Variants in BAHD1 observed in about 807,000 individuals in gnomAD.
BAHD1 encodes bromo adjacent homology domain containing 1.
BAHD1 carries 20 observed loss-of-function variants against 63.1 expected under a neutral mutation model. That is an observed-to-expected ratio of 0.32 (90% CI 0.22 to 0.46). The LOEUF is 0.46. Among genes scored for constraint, BAHD1 ranks in the 20% least tolerant of loss-of-function variants. The probability of loss-of-function intolerance (pLI) is 1.00; values close to 1 mark genes in which losing one functional copy is unlikely to be tolerated. For missense variants in BAHD1, 939 were observed against 1,071.8 expected, an observed-to-expected ratio of 0.88 and a Z score of 1.73; for synonymous variants, 408 against 426.8, an observed-to-expected ratio of 0.96 and a Z score of 0.54.
rs1030395511 is a variant in BAHD1 at position 40,458,676 on chromosome 15, A to G, written c.212A>G (p.Lys71Arg). The change falls in exon 2 of 7, where the codon AAA (lysine) becomes AGA (arginine). Residue 71 changes from lysine to arginine, a missense_variant. Physicochemically the swap from Lys to Arg is conservative, Grantham distance 26 (BLOSUM62 2). This residue lies in a region of BAHD1 where 797 missense variants were observed against 813.3 expected (regional missense o/e 0.98). Coordinates refer to ENST00000416165, the MANE Select transcript of BAHD1 (RefSeq NM_014952.5). The surrounding 1 kb of genome is among the most constrained non-coding windows in gnomAD (Gnocchi z 4.7). ...GTTCCTGAGAAGCCCAAGGCCTGCAAAGTGCTGCTGACTCGCCTGGAGAAT... is the reference window on the plus strand; with the variant it reads ...GTTCCTGAGAAGCCCAAGGCCTGCAGAGTGCTGCTGACTCGCCTGGAGAAT... ...PLVPEKPKACKVLLTRLENVA... is the reference protein window; with the variant it reads ...PLVPEKPKACRVLLTRLENVA... 38 of 1,613,818 alleles carry G rather than the reference A, an allele frequency of 2.4e-5. No homozygotes were observed. In the East Asian group the frequency reaches 4.2e-4, roughly 18 times the overall value.
At chr15:40,465,913 A>G in intron 6 of BAHD1, 28 bp from the exon 7 acceptor site, 2 of 1,540,152 alleles carry the variant, frequency 1.3e-6, no homozygotes, top group Non-Finnish European at 8.7e-7. Context: ...TGGCTGGAGT[A>G]AAGACAGTGA....
rs1330614757 is a variant in BAHD1 at position 40,446,660 on chromosome 15, G to GA, written c.-15+5400dup. The stretch of plus-strand genomic sequence containing the variant: ...AGCACTATGACCAAGTTAGCTGAAT[G>GA]AAAAAAAACAGGTGATTTCTTAGTC... On this transcript the variant is annotated intron_variant, in intron 1 of 6. Transcript: ENST00000416165. 5.9e-5 allele frequency among the ~76,000 whole-genome samples: 9 copies of GA among 152,026 alleles called. No individual in the cohort carries two copies. In the South Asian group the frequency reaches 1.0e-3, roughly 18 times the overall value.
At chr15:40,456,198 T>A (rs961269303) in intron 1 of BAHD1, among the ~76,000 whole-genome samples, 41 of 152,272 alleles carry the variant, frequency 2.7e-4, no homozygotes, top group African/African-American at 9.1e-4. Flanking sequence ...CAGGATGGTC[T>A]TGATCTCCTG....
Position 40,440,985 on chromosome 15 carries a change from G to A in BAHD1, c.-298G>A, listed in dbSNP as rs1032464240. 1.3e-5 allele frequency among the ~76,000 whole-genome samples: 2 copies of A among 150,842 alleles called. No homozygotes were observed. The highest frequency in any genetic ancestry group is 3.0e-5 in the Non-Finnish European group (2 of 67,550). On this transcript the variant is annotated 5_prime_UTR_variant, in exon 1 of 7. Transcript: ENST00000416165. ...TGGGGGAACCGCGAGCGGCGTAGCGGATCCCGGAGCCCGGCCCCCGCCGCC... is the reference window on the plus strand; with the variant it reads ...TGGGGGAACCGCGAGCGGCGTAGCGAATCCCGGAGCCCGGCCCCCGCCGCC...
intron 1 of BAHD1, among the ~76,000 whole-genome samples, chr15:40,447,205 G>A (rs1763760955): frequency 6.6e-6 from 1 of 152,202 alleles, no homozygotes; most frequent in African/African-American, 2.4e-5. Flanking sequence ...TTCCTCAGTA[G>A]TGAGGGGTGT....
intron 1 of BAHD1, chr15:40,443,230 A>T: frequency 1.0e-6 from 1 of 983,744 alleles, no homozygotes; most frequent in Non-Finnish European, 1.2e-6. Context: ...TTCAGAGGGT[A>T]GCATGGGCAT....
At chr15:40,455,300 A>G (rs931129395) in intron 1 of BAHD1, among the ~76,000 whole-genome samples, 1 of 152,134 alleles carries the variant, frequency 6.6e-6, no homozygotes, top group Non-Finnish European at 1.5e-5. Context: ...CCTACCCCCC[A>G]GGGGAGTAGT....
Position 40,458,378 on chromosome 15 carries a change from C to T in BAHD1, c.-14-73C>T. 1.3e-6 allele frequency: 2 copies of T among 1,503,288 alleles called. No homozygotes were observed. The highest frequency in any genetic ancestry group is 1.4e-5 in the South Asian group (1 of 73,880). 93.1% of individuals were successfully genotyped at this position (1,503,288 alleles called of 1,614,324 possible). ...ATCACTGCACCTGGGGCTGGGTAGG[C>T]TGCAGTGGGAGAGAAAGCAGGCAGG... On this transcript the variant is annotated intron_variant, in intron 1 of 6. Coordinates refer to ENST00000416165, the MANE Select transcript of BAHD1 (RefSeq NM_014952.5). The surrounding 1 kb of genome is among the most constrained non-coding windows in gnomAD (Gnocchi z 4.7).
intron 1 of BAHD1, among the ~76,000 whole-genome samples, chr15:40,444,399 C>A (rs1893479960): frequency 6.6e-6 from 1 of 152,134 alleles, no homozygotes; most frequent in Non-Finnish European, 1.5e-5. Flanking sequence ...TTATGTGATA[C>A]CATATAGACA....
chr15:40,462,306 C>T lies in BAHD1; in HGVS notation c.1815+12C>T, dbSNP rs1411914738. 1.3e-6 allele frequency: 2 copies of T among 1,584,852 alleles called. No individual in the cohort carries two copies. The highest frequency in any genetic ancestry group is 3.4e-5 in the Admixed American group (2 of 58,606). On this transcript the variant is annotated intron_variant, in intron 3 of 6. Transcript: ENST00000416165. ...CTGTGTATGTCTTGGTAAGTGCTAG[C>T]TCTTAGCTGATGACGAGAGGGAGGG...
chr15:40,465,481 C>G (rs768944847), intron 6 of BAHD1, 46 bp downstream of exon 6: 100 of 1,462,246 alleles, frequency 6.8e-5, no homozygotes, highest in Non-Finnish European at 8.8e-5. Flanking sequence ...CCCTCAGGCT[C>G]CCCAGGCATA....
Position 40,459,254 on chromosome 15 carries a change from G to T in BAHD1, c.790G>T (p.Ala264Ser), listed in dbSNP as rs1297515777. Residue 264 changes from alanine to serine, a missense_variant, in exon 2 of 7, where the codon GCC (alanine) becomes TCC (serine). Transcript: ENST00000416165. ...GAACTATCCCAAGGCTTGGCAGGGG[G>T]CCAGCTCTGGGGAGGCTGCAGGCCC... ...GKNYPKAWQG[A>S]SSGEAAGPPG... 6.2e-7 allele frequency: 1 copy of T among 1,612,482 alleles called. No individual in the cohort carries two copies. Among genetic ancestry groups the T allele is most frequent in the Non-Finnish European group, 8.5e-7 (1 of 1,179,688 alleles).
At chr15:40,451,404 G>A (rs1160378823) in intron 1 of BAHD1, among the ~76,000 whole-genome samples, 1 of 152,198 alleles carries the variant, frequency 6.6e-6, no homozygotes, top group Non-Finnish European at 1.5e-5. Context: ...ACACTATCTT[G>A]TTCTGTCTTC....
upstream of BAHD1, among the ~76,000 whole-genome samples, chr15:40,437,989 G>C (rs1179141407): frequency 6.6e-6 from 1 of 152,210 alleles, no homozygotes; most frequent in Admixed American, 6.5e-5. Context: ...TCTGGGGAGA[G>C]AGAGCCCCTG....
chr15:40,438,969 C>T (rs74011153), upstream of BAHD1, among the ~76,000 whole-genome samples: 820 of 152,306 alleles, frequency 5.4e-3, 6 homozygotes, highest in African/African-American at 0.019. Flanking sequence ...CAATCTCTGA[C>T]GAGTGGGGGC....
intron 5 of BAHD1, chr15:40,464,816 A>G (rs1894153380): frequency 2.0e-6 from 1 of 500,924 alleles, no homozygotes; most frequent in East Asian, 3.5e-5. Context: ...CAATGGGAGC[A>G]AGTGGATGTG....
At position 40,443,263 on chromosome 15, in the gene BAHD1, C is replaced by G. The variant is rs924610627; in HGVS notation, c.-15+1995C>G. 7.1e-6 allele frequency: 7 copies of G among 985,426 alleles called. No homozygotes were observed. In the East Asian group the frequency reaches 7.9e-4, roughly 112 times the overall value. The allele number at this position is 985,426 out of a possible 1,614,324, so 61.0% of individuals were successfully genotyped here. A position where few individuals can be genotyped will look rare whatever the true frequency, so the allele number is the denominator to read the frequency against. On this transcript the variant is annotated intron_variant, in intron 1 of 6. Coordinates refer to ENST00000416165, the MANE Select transcript of BAHD1 (RefSeq NM_014952.5). ...CATGGGAGTTTATTCATGGCCACCCCCCATGGACCTCCCTGGAATGATCTA... is the reference window on the plus strand; with the variant it reads ...CATGGGAGTTTATTCATGGCCACCCGCCATGGACCTCCCTGGAATGATCTA...
rs375192754 is a variant in BAHD1, at chr15:40,458,894, C to T, written c.430C>T (p.Arg144Cys). 146 of 1,596,920 alleles carry T rather than the reference C, an allele frequency of 9.1e-5. No individual in the cohort carries two copies. The highest frequency in any genetic ancestry group is 1.2e-4 in the African/African-American group (9 of 74,742). The change falls in exon 2 of 7, where the codon CGC becomes TGC. Residue 144 changes from arginine (R) to cysteine (C), a missense_variant. Coordinates refer to ENST00000416165, the MANE Select transcript of BAHD1 (RefSeq NM_014952.5). This position sits in a 1 kb window ranked among gnomAD's most constrained non-coding sequence, Gnocchi z 4.7. ...REDTSSLAGT[R>C]RSRAGDPHRS... is the part of the protein sequence containing the mutation. ...GGACACCAGCAGCCTGGCAGGCACC[C>T]GCCGCAGTCGAGCAGGGGATCCCCA...
At chr15:40,451,025 C>T (rs1893683978) in intron 1 of BAHD1, among the ~76,000 whole-genome samples, 1 of 151,660 alleles carries the variant, frequency 6.6e-6, no homozygotes, top group Admixed American at 6.6e-5. Context: ...GTAATCCCAG[C>T]TACTCGGGAT....
Sources: gnomAD v4.1 joint callset for allele counts (sites outside exome capture counted in the v4.1 genomes callset) on GRCh38, gnomAD v4.1.1 for gene constraint, gnomAD v4.1.1 regional missense constraint, Gnocchi (gnomAD v3.1) non-coding constraint, MANE v1.5 for transcripts, NCBI Gene and HGNC (gene_info 2026-07-23, HGNC 2026-07-21) for gene names.